Variants in FRMD6 observed in about 807,000 individuals in gnomAD.
The protein encoded by FRMD6 is FERM domain containing 6.
In FRMD6, 37 loss-of-function variants were observed where a neutral mutation model predicts 73.2. That is an observed-to-expected ratio of 0.51 (90% CI 0.39 to 0.66). FRMD6 has a LOEUF of 0.66. FRMD6 is among the 30% of genes least tolerant of loss of function. The probability of loss-of-function intolerance (pLI) is 0.00; values close to 1 mark genes in which losing one functional copy is unlikely to be tolerated. For missense variants in FRMD6, 714 were observed against 780.5 expected, an observed-to-expected ratio of 0.91 and a Z score of 1.02; for synonymous variants, 273 against 282.2, an observed-to-expected ratio of 0.97 and a Z score of 0.33.
intron 1 of FRMD6, among the ~76,000 whole-genome samples, chr14:51,537,217 T>G (rs1402869390): frequency 6.6e-6 from 1 of 152,230 alleles, no homozygotes; most frequent in Non-Finnish European, 1.5e-5. Context: ...TCTGTACTTT[T>G]GCATTTTACA....
the FRMD6 span, among the ~76,000 whole-genome samples, chr14:51,409,229 A>G: frequency 1.3e-5 from 2 of 151,884 alleles, no homozygotes; most frequent in African/African-American, 4.8e-5. Flanking sequence ...ATCCTTCGCG[A>G]TAGGAAAACC....
the FRMD6 span, among the ~76,000 whole-genome samples, chr14:51,407,323 C>T: frequency 6.6e-6 from 1 of 151,866 alleles, no homozygotes; most frequent in Non-Finnish European, 1.5e-5. Context: ...CAAGGTAATG[C>T]TAACCTCATA....
intron 1 of FRMD6, among the ~76,000 whole-genome samples, chr14:51,514,903 G>A (rs1043752839): frequency 3.9e-5 from 6 of 152,164 alleles, no homozygotes; most frequent in East Asian, 1.9e-4. Flanking sequence ...AGCAATATGC[G>A]ATGCAAAATA....
chr14:51,584,119 A>T (rs1267276267), intron 2 of FRMD6: 1 of 152,232 alleles, frequency 6.6e-6, no homozygotes, highest in Non-Finnish European at 1.5e-5. Flanking sequence ...TTATATTTGT[A>T]GAATCTAAAG....
rs546824166 is a variant in FRMD6 at position 51,525,483 on chromosome 14, G to T, written c.-210+36063G>T. ...GGGGTTTCACCATGTTGGCCAGGCT[G>T]GTCTTGATCTGCTGACCTTGTGATC... On this transcript the variant is annotated intron_variant, in intron 1 of 14. Transcript: ENST00000356218. Among the ~76,000 whole-genome samples the T allele has an allele frequency of 2.0e-5, 3 of 152,126 alleles. No individual in the cohort carries two copies. In the South Asian group the frequency reaches 6.2e-4, roughly 32 times the overall value.
chr14:51,678,635 ACCTATACAGAGCCAGTACTAC>A (rs1166301810), intron 1 of FRMD6, among the ~76,000 whole-genome samples: 1 of 152,084 alleles, frequency 6.6e-6, no homozygotes, highest in Non-Finnish European at 1.5e-5. Flanking sequence ...CCTACTGGAT[ACCTATACAGAGCCAGTACTAC>A]CCTGGGCATT....
At chr14:51,431,349 T>C in the FRMD6 span, among the ~76,000 whole-genome samples, 4 of 152,312 alleles carry the variant, frequency 2.6e-5, no homozygotes, top group African/African-American at 9.6e-5. Flanking sequence ...ACAGAAATTG[T>C]TTTCCATAAA....
At chr14:51,485,098 A>G (rs1477763885), upstream of FRMD6, among the ~76,000 whole-genome samples, 2 of 152,242 alleles carry the variant, frequency 1.3e-5, no homozygotes, top group Non-Finnish European at 2.9e-5. Context: ...GCATTTAACC[A>G]AGCTCAAAAG....
At chr14:51,430,006 C>T in the FRMD6 span, among the ~76,000 whole-genome samples, 5 of 152,182 alleles carry the variant, frequency 3.3e-5, no homozygotes, top group African/African-American at 7.2e-5. Context: ...TGAGGATGTA[C>T]GCCCATTTTA....
chr14:51,424,662 C>G, the FRMD6 span, among the ~76,000 whole-genome samples: 1 of 152,202 alleles, frequency 6.6e-6, no homozygotes, highest in Non-Finnish European at 1.5e-5. Flanking sequence ...CTAAACTCCT[C>G]CCTGTGGCTT....
the FRMD6 span, among the ~76,000 whole-genome samples, chr14:51,480,710 C>A: frequency 6.6e-6 from 1 of 152,140 alleles, no homozygotes; most frequent in Non-Finnish European, 1.5e-5. Context: ...CCTGTCTATA[C>A]TTTAGTTTCC....
intron 1 of FRMD6, among the ~76,000 whole-genome samples, chr14:51,558,916 T>C (rs186423902): frequency 6.6e-6 from 1 of 152,330 alleles, no homozygotes; most frequent in East Asian, 1.9e-4. Flanking sequence ...CCAAATTTTA[T>C]GACTTAACTG....
intron 2 of FRMD6, among the ~76,000 whole-genome samples, chr14:51,584,764 A>G (rs1477236915): frequency 1.3e-5 from 2 of 151,858 alleles, no homozygotes; most frequent in Non-Finnish European, 2.9e-5. Flanking sequence ...AATCAGCTTC[A>G]TACGTGTCCA....
At chr14:51,577,201 A>G (rs1207176987) in intron 2 of FRMD6, among the ~76,000 whole-genome samples, 1 of 152,138 alleles carries the variant, frequency 6.6e-6, no homozygotes, top group African/African-American at 2.4e-5. Flanking sequence ...GTGGGTGGGA[A>G]AACATGTAGC....
chr14:51,405,498 A>G, the FRMD6 span, among the ~76,000 whole-genome samples: 1 of 152,010 alleles, frequency 6.6e-6, no homozygotes, highest in South Asian at 2.1e-4. Context: ...ACTTTTAATA[A>G]TAGCCATTTT....
chr14:51,593,943 C>T (rs1889551486), intron 2 of FRMD6, among the ~76,000 whole-genome samples: 1 of 152,050 alleles, frequency 6.6e-6, no homozygotes, highest in South Asian at 2.1e-4. Flanking sequence ...TAGAATCCCC[C>T]TACTTTCTGA....
At chr14:51,438,545 A>AT in the FRMD6 span, among the ~76,000 whole-genome samples, 2 of 152,140 alleles carry the variant, frequency 1.3e-5, no homozygotes, top group South Asian at 2.1e-4. Flanking sequence ...CTAACTTCAT[A>AT]TTTTTTGATA....
chr14:51,548,657 G>A (rs181644550), intron 1 of FRMD6, among the ~76,000 whole-genome samples: 2 of 152,178 alleles, frequency 1.3e-5, no homozygotes, highest in African/African-American at 4.8e-5. Flanking sequence ...TGGGGGAAAC[G>A]GGGAGATAAG....
At chr14:51,615,284 G>C (rs1431793255) in intron 2 of FRMD6, among the ~76,000 whole-genome samples, 1 of 152,156 alleles carries the variant, frequency 6.6e-6, no homozygotes, top group Non-Finnish European at 1.5e-5. Context: ...TGTATATTAA[G>C]AGACAAGCCA....
Sources: gnomAD v4.1 joint callset for allele counts (sites outside exome capture counted in the v4.1 genomes callset) on GRCh38, gnomAD v4.1.1 for gene constraint, MANE v1.5 for transcripts, NCBI Gene and HGNC (gene_info 2026-07-23, HGNC 2026-07-21) for gene names.